The following TMEM135 variants were observed in gnomAD, a reference collection of about 807,000 sequenced individuals.
The protein encoded by TMEM135 is transmembrane protein 135.
Under a neutral mutation model 60.3 loss-of-function variants are expected in TMEM135, and 30 were observed. The observed-to-expected ratio is 0.50, with a 90% CI of 0.37 to 0.68. The LOEUF is 0.68. Among genes scored for constraint, TMEM135 ranks in the 30% least tolerant of loss-of-function variants. The pLI, the probability that TMEM135 is intolerant of heterozygous loss-of-function variation, is 0.00. For missense variants in TMEM135, 468 were observed against 548.8 expected, an observed-to-expected ratio of 0.85 and a Z score of 1.47; for synonymous variants, 190 against 186.7, an observed-to-expected ratio of 1.02 and a Z score of -0.14.
chr11:87,091,342 C>T lies in TMEM135; in HGVS notation c.363-20C>T. ...AAGTCAAATTGAAGTTTAATATCTT[C>T]CTTTTAAAATTATTTGCAGGAGAGG... is the stretch of plus-strand genomic sequence containing the variant. On this transcript the variant is annotated intron_variant, in intron 3 of 14. Coordinates refer to ENST00000305494, the MANE Select transcript of TMEM135 (RefSeq NM_022918.4). The T allele has an allele frequency of 1.2e-6, 2 of 1,607,486 alleles. No individual in the cohort carries two copies. Among genetic ancestry groups the T allele is most frequent in the African/African-American group, 1.3e-5 (1 of 74,888 alleles).
intron 6 of TMEM135, among the ~76,000 whole-genome samples, chr11:87,265,824 A>G (rs1054709802): frequency 1.3e-5 from 2 of 152,124 alleles, no homozygotes; most frequent in African/African-American, 4.8e-5. Context: ...AATATCAGTG[A>G]TCATTGTATG....
intron 4 of TMEM135, among the ~76,000 whole-genome samples, chr11:87,138,001 A>G (rs969664027): frequency 6.6e-6 from 1 of 151,924 alleles, no homozygotes; most frequent in African/African-American, 2.4e-5. Flanking sequence ...GTTAAGGTCC[A>G]TTGTCTCCAT....
chr11:87,075,247 C>T (rs1856846796), intron 3 of TMEM135, among the ~76,000 whole-genome samples: 1 of 151,778 alleles, frequency 6.6e-6, no homozygotes, highest in Non-Finnish European at 1.5e-5. Context: ...CAAGCTCCGC[C>T]TCCCGGGTTC....
At chr11:87,216,866 A>C (rs1203410254) in intron 5 of TMEM135, among the ~76,000 whole-genome samples, 1 of 152,242 alleles carries the variant, frequency 6.6e-6, no homozygotes, top group Non-Finnish European at 1.5e-5. Context: ...ACAGCAATCC[A>C]AAATTTAGAG....
At chr11:87,076,142 G>A (rs557184135) in intron 3 of TMEM135, among the ~76,000 whole-genome samples, 1 of 152,312 alleles carries the variant, frequency 6.6e-6, no homozygotes, top group Admixed American at 6.5e-5. Flanking sequence ...AGTTCTCCCG[G>A]GCCCTGGGCA....
chr11:87,229,702 G>C (rs1940846950), intron 5 of TMEM135, among the ~76,000 whole-genome samples: 1 of 152,112 alleles, frequency 6.6e-6, no homozygotes, highest in South Asian at 2.1e-4. Flanking sequence ...ATAAACTTCA[G>C]CATATCCATA....
At chr11:87,136,494 G>A (rs1938104351) in intron 4 of TMEM135, among the ~76,000 whole-genome samples, 1 of 152,014 alleles carries the variant, frequency 6.6e-6, no homozygotes, top group African/African-American at 2.4e-5. Context: ...TTGCTGCCTA[G>A]ACAACACTGC....
intron 1 of TMEM135, among the ~76,000 whole-genome samples, chr11:87,042,525 A>C (rs1053718053): frequency 2.6e-5 from 4 of 152,106 alleles, no homozygotes; most frequent in African/African-American, 9.7e-5. Flanking sequence ...AGCTCAGGGG[A>C]GAGTGGGACT....
chr11:87,154,782 T>C (rs1367324825), intron 4 of TMEM135, among the ~76,000 whole-genome samples: 4 of 152,260 alleles, frequency 2.6e-5, no homozygotes, highest in Non-Finnish European at 5.9e-5. Context: ...GTTCTTTGGA[T>C]AAATTTCTTC....
At chr11:87,247,028 T>C (rs1430650891) in intron 6 of TMEM135, among the ~76,000 whole-genome samples, 1 of 147,802 alleles carries the variant, frequency 6.8e-6, no homozygotes, top group Non-Finnish European at 1.5e-5. Flanking sequence ...AGATGGGTTT[T>C]TGGTGTGGAT....
In TMEM135 at chr11:87,068,182, A is replaced by C. The variant is rs570267036; in HGVS notation, c.269+361A>C. 2.0e-5 allele frequency among the ~76,000 whole-genome samples: 3 copies of C among 152,350 alleles called. No homozygotes were observed. In the East Asian group the frequency reaches 5.8e-4, roughly 29 times the overall value. ...TATGACATGGGTTAGGGCCACATGC[A>C]GTGAACAAACTTCAAAAGGACTATA... On this transcript the variant is annotated intron_variant, in intron 2 of 14. Coordinates refer to ENST00000305494, the MANE Select transcript of TMEM135 (RefSeq NM_022918.4).
intron 4 of TMEM135, among the ~76,000 whole-genome samples, chr11:87,151,949 C>G (rs1445028410): frequency 6.6e-6 from 1 of 152,050 alleles, no homozygotes; most frequent in Non-Finnish European, 1.5e-5. Context: ...GGAATCTTCT[C>G]TTAGTATGAG....
At chr11:87,184,115 A>G (rs1264863903) in intron 5 of TMEM135, among the ~76,000 whole-genome samples, 1 of 152,060 alleles carries the variant, frequency 6.6e-6, no homozygotes, top group Non-Finnish European at 1.5e-5. Context: ...TTAGTGTCAT[A>G]GTTGTTTTGT....
intron 5 of TMEM135, among the ~76,000 whole-genome samples, chr11:87,158,943 T>C (rs1938785091): frequency 6.6e-6 from 1 of 152,162 alleles, no homozygotes; most frequent in South Asian, 2.1e-4. Flanking sequence ...TTTTAGTAAT[T>C]ACTATATATT....
intron 4 of TMEM135, among the ~76,000 whole-genome samples, chr11:87,115,629 A>T (rs913476679): frequency 6.6e-6 from 1 of 152,128 alleles, no homozygotes; most frequent in Non-Finnish European, 1.5e-5. Context: ...AGTTGATTTT[A>T]GACAGCTAAA....
chr11:87,227,532 C>A (rs1252174397), intron 5 of TMEM135, among the ~76,000 whole-genome samples: 1 of 151,904 alleles, frequency 6.6e-6, no homozygotes, highest in Non-Finnish European at 1.5e-5. Flanking sequence ...TTAGGTAAAG[C>A]TGCTAATCCA....
chr11:87,042,915 G>C (rs1949762313), intron 1 of TMEM135, among the ~76,000 whole-genome samples: 1 of 151,146 alleles, frequency 6.6e-6, no homozygotes, highest in African/African-American at 2.4e-5. Flanking sequence ...AATTTGTAAA[G>C]AATATCAGCT....
At chr11:87,291,515 ATTTTTTTTTTTTTTTTTTTTT>A (rs869273724) in intron 6 of TMEM135, among the ~76,000 whole-genome samples, 3 of 50,532 alleles carry the variant, frequency 5.9e-5, no homozygotes, top group Admixed American at 7.6e-4. Context: ...CAGCCAAGTG[ATTTTTTTTTTTTTTTTTTTTT>A]TTTTTTTTTT....
chr11:87,180,420 A>C (rs1939486938), intron 5 of TMEM135, among the ~76,000 whole-genome samples: 1 of 152,022 alleles, frequency 6.6e-6, no homozygotes, highest in Non-Finnish European at 1.5e-5. Flanking sequence ...GTGTGTGTGG[A>C]GGCAAAAACA....
Sources: gnomAD v4.1 joint callset for allele counts (sites outside exome capture counted in the v4.1 genomes callset) on GRCh38, gnomAD v4.1.1 for gene constraint, MANE v1.5 for transcripts, NCBI Gene and HGNC (gene_info 2026-07-23, HGNC 2026-07-21) for gene names.